The following RSU1 variants were observed in gnomAD, a reference collection of about 807,000 sequenced individuals.
RSU1 encodes the protein Ras suppressor protein 1, also known as rsu-1.
RSU1 carries 26 observed loss-of-function variants against 31.1 expected under a neutral mutation model. The observed-to-expected ratio is 0.84, with a 90% confidence interval of 0.61 to 1.16. RSU1 has a LOEUF of 1.16. Ranked by LOEUF, RSU1 falls within the 50% of genes most tolerant of loss-of-function variation. RSU1 has a pLI of 0.00. For synonymous variants in RSU1, 164 were observed against 136.3 expected (o/e 1.20, Z -1.41); for missense variants, 320 against 339.1 (o/e 0.94, Z 0.44).
At chr10:16,650,801 T>C (rs1834671821) in intron 8 of RSU1, among the ~76,000 whole-genome samples, 2 of 152,108 alleles carry the variant, frequency 1.3e-5, no homozygotes, top group African/African-American at 4.8e-5. Flanking sequence ...CAGGATGGTC[T>C]TGATCTCCTG....
At chr10:16,723,131 C>G (rs935089138) in intron 7 of RSU1, 3 of 151,636 alleles carry the variant, frequency 2.0e-5, no homozygotes, top group African/African-American at 7.3e-5. Context: ...ATAATTTGAG[C>G]TGGGAGAGCA....
chr10:16,749,162 G>C (rs1186700734), intron 7 of RSU1, among the ~76,000 whole-genome samples: 2 of 152,154 alleles, frequency 1.3e-5, no homozygotes, highest in African/African-American at 4.8e-5. Context: ...TAGGTATATA[G>C]ACTAATATGA....
At chr10:16,745,804 G>T (rs1001525265) in intron 7 of RSU1, among the ~76,000 whole-genome samples, 1 of 152,162 alleles carries the variant, frequency 6.6e-6, no homozygotes, top group African/African-American at 2.4e-5. Flanking sequence ...CCTAGTGATG[G>T]AGAGTCCAGC....
At chr10:16,634,479 C>A (rs554453023) in intron 8 of RSU1, among the ~76,000 whole-genome samples, 2 of 152,284 alleles carry the variant, frequency 1.3e-5, no homozygotes, top group East Asian at 3.9e-4. Flanking sequence ...TTTTTACACA[C>A]GAGTAGAGTC....
chr10:16,688,774 G>A (rs1835486637), intron 8 of RSU1, among the ~76,000 whole-genome samples: 1 of 151,858 alleles, frequency 6.6e-6, no homozygotes, highest in Admixed American at 6.6e-5. Context: ...GCTGAGGCAG[G>A]AAAATCTCTT....
At chr10:16,733,493 G>C (rs895788487) in intron 7 of RSU1, among the ~76,000 whole-genome samples, 17 of 152,072 alleles carry the variant, frequency 1.1e-4, no homozygotes, top group Non-Finnish European at 1.2e-4. Flanking sequence ...GGGTGACAGA[G>C]TGAGACTCTG....
intron 7 of RSU1, among the ~76,000 whole-genome samples, chr10:16,698,449 C>A (rs1161317550): frequency 2.0e-5 from 3 of 152,170 alleles, no homozygotes; most frequent in Admixed American, 2.0e-4. Flanking sequence ...AACTTATTAA[C>A]AGCATCTTAC....
chr10:16,766,727 A>C (rs1389743757), intron 3 of RSU1, among the ~76,000 whole-genome samples: 1 of 151,610 alleles, frequency 6.6e-6, no homozygotes, highest in African/African-American at 2.4e-5. Context: ...AGAAGAGAAA[A>C]GATTGGCCTG....
At chr10:16,672,209 C>G (rs950701063) in intron 8 of RSU1, among the ~76,000 whole-genome samples, 2 of 151,428 alleles carry the variant, frequency 1.3e-5, no homozygotes, top group African/African-American at 4.9e-5. Context: ...ACTCAGGAGG[C>G]TGAGGCAGGA....
chr10:16,605,094 T>A (rs1833780301), intron 8 of RSU1, among the ~76,000 whole-genome samples: 1 of 152,180 alleles, frequency 6.6e-6, no homozygotes, highest in Non-Finnish European at 1.5e-5. Context: ...TATTGCTGGA[T>A]GATGTTTAGT....
At chr10:16,805,615 G>T (rs1838250507) in intron 2 of RSU1, among the ~76,000 whole-genome samples, 1 of 146,458 alleles carries the variant, frequency 6.8e-6, no homozygotes, top group African/African-American at 2.6e-5. Context: ...GGCGGAGCTT[G>T]CAGTGAGCGG....
intron 7 of RSU1, among the ~76,000 whole-genome samples, chr10:16,734,557 T>C (rs1465723377): frequency 6.6e-6 from 1 of 152,190 alleles, no homozygotes; most frequent in African/African-American, 2.4e-5. Flanking sequence ...AAAATATATA[T>C]TGGGGGGGTT....
intron 7 of RSU1, among the ~76,000 whole-genome samples, chr10:16,704,926 T>C (rs1327462440): frequency 6.6e-6 from 1 of 152,232 alleles, no homozygotes; most frequent in African/African-American, 2.4e-5. Context: ...GTGATATTAA[T>C]ACATTTGTAA....
At chr10:16,639,076 G>A (rs892991516) in intron 8 of RSU1, among the ~76,000 whole-genome samples, 2 of 152,200 alleles carry the variant, frequency 1.3e-5, no homozygotes, top group Non-Finnish European at 2.9e-5. Flanking sequence ...TCCTGTTGAC[G>A]AGTGGTAATG....
chr10:16,636,169 C>T (rs1184014834), intron 8 of RSU1, among the ~76,000 whole-genome samples: 4 of 152,148 alleles, frequency 2.6e-5, no homozygotes, highest in African/African-American at 9.7e-5. Context: ...GCCAAGATCT[C>T]AATCCTGCCT....
intron 7 of RSU1, among the ~76,000 whole-genome samples, chr10:16,698,952 TC>T (rs2131567215): frequency 6.6e-6 from 1 of 152,076 alleles, no homozygotes; most frequent in South Asian, 2.1e-4. Context: ...CTAAATTAAA[TC>T]CCCAAGTGCT....
At chr10:16,619,030 A>G (rs1834027004) in intron 8 of RSU1, among the ~76,000 whole-genome samples, 1 of 152,198 alleles carries the variant, frequency 6.6e-6, no homozygotes, top group Non-Finnish European at 1.5e-5. Context: ...TACCTAATAG[A>G]GTAGTTATGA....
At chr10:16,747,203 T>C (rs557558770) in intron 7 of RSU1, among the ~76,000 whole-genome samples, 8 of 152,302 alleles carry the variant, frequency 5.3e-5, no homozygotes, top group African/African-American at 1.2e-4. Flanking sequence ...TTAGGAACCA[T>C]AGTGCTTCAG....
intron 8 of RSU1, among the ~76,000 whole-genome samples, chr10:16,654,449 C>CACTT (rs1357036801): frequency 6.7e-6 from 1 of 148,980 alleles, no homozygotes; most frequent in African/African-American, 2.5e-5. Flanking sequence ...GTGGGTGGAT[C>CACTT]ACTTGAGGTC....
Sources: gnomAD v4.1 joint callset for allele counts (sites outside exome capture counted in the v4.1 genomes callset) on GRCh38, gnomAD v4.1.1 for gene constraint, MANE v1.5 for transcripts, NCBI Gene and HGNC (gene_info 2026-07-23, HGNC 2026-07-21) for gene names.